KAZN: variants seen among roughly 807,000 people sequenced by gnomAD.
KAZN encodes kazrin.
KAZN carries 40 observed loss-of-function variants against 87.4 expected under a neutral mutation model. The ratio of observed to expected loss-of-function variants is 0.46; its 90% CI spans 0.36 to 0.60. The LOEUF (loss-of-function observed/expected upper bound fraction) is 0.60. Ranked by LOEUF, KAZN falls within the 20% of genes least tolerant of loss-of-function variation. The probability of loss-of-function intolerance (pLI) is 0.00; values close to 1 mark genes in which losing one functional copy is unlikely to be tolerated. For synonymous variants in KAZN, 466 were observed against 458.3 expected (o/e 1.02, Z -0.22); for missense variants, 898 against 1,073.9 (o/e 0.84, Z 2.29).
chr1:14,019,319 A>G (rs6429823), intron 1 of KAZN, among the ~76,000 whole-genome samples: 6,868 of 152,268 alleles, frequency 0.045, 461 homozygotes, highest in African/African-American at 0.15. Context: ...AGAAAGCTAT[A>G]TATCAAGACC....
chr1:14,057,221 G>A (rs897829660), intron 1 of KAZN, among the ~76,000 whole-genome samples: 2 of 150,324 alleles, frequency 1.3e-5, no homozygotes, highest in Non-Finnish European at 3.0e-5. Context: ...TGCAATCTCT[G>A]GCTCCCAGGT....
In KAZN at chr1:14,533,661, T is replaced by C. The variant is rs12049388; in HGVS notation, c.250-65322T>C. ...GGGATCCATCCCGTTTGCTCCTTGC[T>C]TGCCCCCCACCCACCCCACATCTCC... is the stretch of plus-strand genomic sequence containing the variant. On this transcript the variant is annotated intron_variant, in intron 2 of 16. Coordinates refer to the KAZN transcript ENST00000636203. 1.1e-4 allele frequency among the ~76,000 whole-genome samples: 17 copies of C among 152,292 alleles called. No individual in the cohort carries two copies. In the East Asian group the frequency reaches 3.1e-3, roughly 28 times the overall value.
chr1:14,367,271 G>A (rs1263380400), intron 2 of KAZN, among the ~76,000 whole-genome samples: 1 of 152,116 alleles, frequency 6.6e-6, no homozygotes, highest in Non-Finnish European at 1.5e-5. Flanking sequence ...GAAGCTGGAA[G>A]GGAGATGGAG....
chr1:14,333,212 G>C (rs1051169377), intron 2 of KAZN, among the ~76,000 whole-genome samples: 3 of 152,140 alleles, frequency 2.0e-5, no homozygotes, highest in African/African-American at 7.2e-5. Context: ...CAAGGGACAT[G>C]ATCTCATTCC....
intron 2 of KAZN, among the ~76,000 whole-genome samples, chr1:14,243,878 C>T (rs141150130): frequency 1.4e-4 from 21 of 152,146 alleles, no homozygotes; most frequent in Non-Finnish European, 2.6e-4. Flanking sequence ...CCCTAATGTC[C>T]GCATCTTACA....
At chr1:14,537,514 T>A (rs190534758) in intron 2 of KAZN, among the ~76,000 whole-genome samples, 2 of 152,378 alleles carry the variant, frequency 1.3e-5, no homozygotes. Flanking sequence ...ACCAGCTGTT[T>A]CCTAACCCAT....
chr1:14,139,538 A>G (rs1026229286), intron 1 of KAZN, among the ~76,000 whole-genome samples: 3 of 152,324 alleles, frequency 2.0e-5, no homozygotes, highest in East Asian at 3.9e-4. Context: ...TGGAGCTCCC[A>G]GCCCCATTAT....
chr1:14,580,966 C>T (rs771409786), intron 2 of KAZN, among the ~76,000 whole-genome samples: 7 of 152,106 alleles, frequency 4.6e-5, no homozygotes, highest in East Asian at 1.9e-4. Context: ...GTCTTTTTTG[C>T]TTGTGTCTCC....
chr1:15,036,666 A>G (rs974222251), intron 3 of KAZN, among the ~76,000 whole-genome samples: 1 of 152,062 alleles, frequency 6.6e-6, no homozygotes, highest in African/African-American at 2.4e-5. Flanking sequence ...TTTGGCCACC[A>G]GCAAGGAGTC....
At chr1:13,896,333 A>G (rs1190977402) in intron 1 of KAZN, among the ~76,000 whole-genome samples, 1 of 152,206 alleles carries the variant, frequency 6.6e-6, no homozygotes, top group Admixed American at 6.5e-5. Context: ...ATGGTGGGCC[A>G]GGCTGTAGTG....
At chr1:14,119,508 C>A (rs1557490503) in intron 1 of KAZN, among the ~76,000 whole-genome samples, 1 of 152,148 alleles carries the variant, frequency 6.6e-6, no homozygotes, top group Non-Finnish European at 1.5e-5. Flanking sequence ...GTGTCTCCAG[C>A]CCATTTGCCC....
chr1:14,352,416 C>T (rs561620083), intron 2 of KAZN, among the ~76,000 whole-genome samples: 10 of 152,116 alleles, frequency 6.6e-5, no homozygotes, highest in Admixed American at 3.3e-4. Context: ...TGAGGAAAGC[C>T]GCCTGATTCT....
At chr1:14,519,142 AT>A (rs1251368341) in intron 2 of KAZN, among the ~76,000 whole-genome samples, 1 of 152,078 alleles carries the variant, frequency 6.6e-6, no homozygotes, top group East Asian at 1.9e-4. Context: ...ATAATTGGAA[AT>A]TTTTAAAAAA....
chr1:13,995,334 C>T (rs990046295), intron 1 of KAZN, among the ~76,000 whole-genome samples: 2 of 151,886 alleles, frequency 1.3e-5, no homozygotes, highest in African/African-American at 4.8e-5. Context: ...TATTATCTCT[C>T]ATGCATAAAC....
intron 3 of KAZN, among the ~76,000 whole-genome samples, chr1:15,043,218 TG>T (rs1347313049): frequency 6.6e-6 from 1 of 152,196 alleles, no homozygotes; most frequent in Non-Finnish European, 1.5e-5. Context: ...TCCAGACAAT[TG>T]GGGTCGCTGG....
intron 1 of KAZN, among the ~76,000 whole-genome samples, chr1:14,620,351 G>T (rs1454729710): frequency 6.6e-6 from 1 of 152,196 alleles, no homozygotes; most frequent in Non-Finnish European, 1.5e-5. Flanking sequence ...TTCACACAAG[G>T]CTCAGCAATG....
exon 2 of KAZN, chr1:14,180,518 C>T: frequency 5.8e-6 from 9 of 1,550,234 alleles, no homozygotes; most frequent in Non-Finnish European, 6.1e-6. Flanking sequence ...GGACAAAGAC[C>T]CTTTTCTACC....
intron 4 of KAZN, among the ~76,000 whole-genome samples, chr1:15,048,381 C>T (rs1272174157): frequency 6.6e-6 from 1 of 152,052 alleles, no homozygotes; most frequent in East Asian, 1.9e-4. Flanking sequence ...ACAGCAACTT[C>T]TCTGTAACCA....
intron 10 of KAZN, among the ~76,000 whole-genome samples, chr1:15,097,600 C>T (rs1335571103): frequency 1.3e-5 from 2 of 152,148 alleles, no homozygotes; most frequent in Non-Finnish European, 2.9e-5. Flanking sequence ...AGGTGGATCA[C>T]CTGACATCAG....
Sources: allele counts gnomAD v4.1 joint callset (sites outside exome capture counted in the v4.1 genomes callset), GRCh38; gene constraint gnomAD v4.1.1; transcripts MANE v1.5; gene names NCBI Gene and HGNC (gene_info 2026-07-23, HGNC 2026-07-21).